The following DLC1 variants were observed in gnomAD, a reference collection of about 807,000 sequenced individuals.
DLC1 encodes the protein rho GTPase-activating protein 7.
DLC1 carries 54 observed loss-of-function variants against 140.3 expected under a neutral mutation model. The ratio of observed to expected loss-of-function variants is 0.38; its 90% CI spans 0.31 to 0.48. DLC1 has a LOEUF of 0.48. Ranked by LOEUF, DLC1 falls within the 20% of genes least tolerant of loss-of-function variation. DLC1 has a pLI of 0.96. For missense variants in DLC1, 2,536 were observed against 1,907.0 expected, an observed-to-expected ratio of 1.33 and a Z score of -6.14; for synonymous variants, 986 against 728.1, an observed-to-expected ratio of 1.35 and a Z score of -5.70.
chr8:13,285,408 T>G (rs759548986), intron 5 of DLC1, among the ~76,000 whole-genome samples: 1 of 152,168 alleles, frequency 6.6e-6, no homozygotes, highest in East Asian at 1.9e-4. Context: ...AAATGGAACA[T>G]AGACCACAGA....
intron 2 of DLC1, among the ~76,000 whole-genome samples, chr8:13,473,010 T>C (rs912582352): frequency 2.6e-5 from 4 of 152,158 alleles, no homozygotes; most frequent in Non-Finnish European, 4.4e-5. Context: ...TAAGAAGTTA[T>C]AGTTGAAGAG....
intron 5 of DLC1, among the ~76,000 whole-genome samples, chr8:13,193,577 G>T (rs1422948032): frequency 6.6e-6 from 1 of 152,050 alleles, no homozygotes. Context: ...CTTTATTTCT[G>T]TTGTGGCAAC....
intron 1 of DLC1, among the ~76,000 whole-genome samples, chr8:13,539,185 G>GTATGTA (rs35531208): frequency 0.076 from 11,543 of 151,430 alleles, 506 homozygotes; most frequent in South Asian, 0.17. Context: ...GTATGTATGT[G>GTATGTA]TGTATGTATG....
intron 2 of DLC1, among the ~76,000 whole-genome samples, chr8:13,491,632 T>C (rs1801248684): frequency 6.6e-6 from 1 of 152,182 alleles, no homozygotes; most frequent in East Asian, 1.9e-4. Context: ...TTAGTTATGA[T>C]TAGTGAGTTC....
intron 4 of DLC1, among the ~76,000 whole-genome samples, chr8:13,344,677 C>T (rs1834241342): frequency 6.6e-6 from 1 of 152,062 alleles, no homozygotes. Context: ...AGGCTAGCCA[C>T]GAGGTCTCTA....
At chr8:13,241,665 C>A (rs1041763616) in intron 5 of DLC1, among the ~76,000 whole-genome samples, 15 of 152,298 alleles carry the variant, frequency 9.8e-5, no homozygotes, top group African/African-American at 3.6e-4. Flanking sequence ...GTTTTCAGGG[C>A]TTTCAACAGG....
intron 2 of DLC1, among the ~76,000 whole-genome samples, chr8:13,423,451 T>C (rs1481688): frequency 0.26 from 39,475 of 151,890 alleles, 5,344 homozygotes; most frequent in Middle Eastern, 0.37. Context: ...GGAGGGATCT[T>C]TGCTAGGATG....
intron 5 of DLC1, among the ~76,000 whole-genome samples, chr8:13,219,158 A>ATGTGCATGTAATTATATAATTATATG (rs374583105): frequency 2.2e-5 from 1 of 45,838 alleles, no homozygotes; most frequent in African/African-American, 1.0e-4. Context: ...ATATAATTAT[A>ATGTGCATGTAATTATATAATTATATG]TGAATATAAC....
At chr8:13,283,624 C>G (rs1831442978) in intron 5 of DLC1, among the ~76,000 whole-genome samples, 1 of 152,198 alleles carries the variant, frequency 6.6e-6, no homozygotes, top group African/African-American at 2.4e-5. Flanking sequence ...AAGCAATCCT[C>G]TCACTGCAGC....
chr8:13,302,381 AAAAGGCTGTTTC>A (rs144170874), intron 5 of DLC1, among the ~76,000 whole-genome samples: 7,751 of 152,260 alleles, frequency 0.051, 247 homozygotes, highest in South Asian at 0.12. Flanking sequence ...CTGAATCCAT[AAAAGGCTGTTTC>A]AAAGGCTGTT....
chr8:13,203,101 C>T (rs1827484988), intron 5 of DLC1, among the ~76,000 whole-genome samples: 1 of 152,156 alleles, frequency 6.6e-6, no homozygotes, highest in South Asian at 2.1e-4. Context: ...TGAAAACTAA[C>T]CTTGCACACT....
chr8:13,563,144 C>T (rs939374774), intron 1 of DLC1, among the ~76,000 whole-genome samples: 4 of 152,110 alleles, frequency 2.6e-5, no homozygotes, highest in East Asian at 3.9e-4. Flanking sequence ...ATTTGTACTT[C>T]GGAAGTGTTA....
chr8:13,451,037 CAAAAAAAAAAAAAAA>C (rs1169620786), intron 2 of DLC1, among the ~76,000 whole-genome samples: 3 of 18,380 alleles, frequency 1.6e-4, no homozygotes, highest in South Asian at 3.6e-3. Flanking sequence ...GACTCCGTCT[CAAAAAAAAAAAAAAA>C]AAAAAAAAAA....
At chr8:13,578,616 T>A (rs1804931713) in intron 1 of DLC1, among the ~76,000 whole-genome samples, 1 of 152,144 alleles carries the variant, frequency 6.6e-6, no homozygotes. Flanking sequence ...CCCAGGACCC[T>A]CTCCTCAGGT....
chr8:13,105,359 A>G (rs540223382), intron 7 of DLC1, among the ~76,000 whole-genome samples: 1 of 152,260 alleles, frequency 6.6e-6, no homozygotes, highest in South Asian at 2.1e-4. Flanking sequence ...CTGATATCAA[A>G]TCATAGTTCC....
chr8:13,530,698 T>G (rs1015830028), intron 1 of DLC1, among the ~76,000 whole-genome samples: 1 of 152,182 alleles, frequency 6.6e-6, no homozygotes, highest in Non-Finnish European at 1.5e-5. Flanking sequence ...GATGACATAT[T>G]GTTCCAATTT....
At chr8:13,363,045 T>C (rs543100945) in intron 4 of DLC1, among the ~76,000 whole-genome samples, 1 of 152,356 alleles carries the variant, frequency 6.6e-6, no homozygotes, top group East Asian at 1.9e-4. Context: ...GTGCTAGATA[T>C]GGGCATACAA....
At chr8:13,202,885 G>T (rs113573620) in intron 5 of DLC1, among the ~76,000 whole-genome samples, 16 of 152,062 alleles carry the variant, frequency 1.1e-4, no homozygotes, top group African/African-American at 3.9e-4. Flanking sequence ...TGTTGCCAAG[G>T]CTGGTCTTGA....
intron 2 of DLC1, among the ~76,000 whole-genome samples, chr8:13,489,207 A>T (rs750789737): frequency 6.6e-6 from 1 of 152,050 alleles, no homozygotes; most frequent in East Asian, 1.9e-4. Flanking sequence ...TTGGCTCCCC[A>T]AAGTGCTGGG....
Sources: allele counts gnomAD v4.1 joint callset (sites outside exome capture counted in the v4.1 genomes callset), GRCh38; gene constraint gnomAD v4.1.1; transcripts MANE v1.5; gene names NCBI Gene and HGNC (gene_info 2026-07-23, HGNC 2026-07-21).